Variants in NXPH1 observed in about 807,000 individuals in gnomAD.
NXPH1 encodes the protein neurexophilin-1.
Under a neutral mutation model 23.7 loss-of-function variants are expected in NXPH1, and 5 were observed. That is an observed-to-expected ratio of 0.21 (90% CI 0.11 to 0.44). The LOEUF (loss-of-function observed/expected upper bound fraction) is 0.44. Ranked by LOEUF, NXPH1 falls within the 20% of genes least tolerant of loss-of-function variation. The pLI is 0.99. For synonymous variants in NXPH1, 144 were observed against 122.2 expected (o/e 1.18, Z -1.18); for missense variants, 324 against 321.6 (o/e 1.01, Z -0.06).
intron 2 of NXPH1, among the ~76,000 whole-genome samples, chr7:8,592,694 A>G (rs563778244): frequency 1.3e-4 from 20 of 152,128 alleles, no homozygotes; most frequent in African/African-American, 9.6e-5. Context: ...CAACTATTTA[A>G]CTTTGCTGTT....
chr7:8,437,060 A>G (rs1196892033), intron 2 of NXPH1, among the ~76,000 whole-genome samples: 4 of 152,106 alleles, frequency 2.6e-5, no homozygotes, highest in Admixed American at 2.6e-4. Context: ...TTATCGCCTG[A>G]CCGTAGCAGC....
At chr7:8,690,167 C>T (rs1024137459) in intron 2 of NXPH1, 2 of 152,202 alleles carry the variant, frequency 1.3e-5, no homozygotes, top group African/African-American at 4.8e-5. Flanking sequence ...TACTGAGTCC[C>T]TTGCTAACAT....
At position 8,498,427 on chromosome 7, in the gene NXPH1, C is replaced by G. The variant is rs1334353281; in HGVS notation, c.54+62660C>G. On this transcript the variant is annotated intron_variant, in intron 2 of 2. Coordinates refer to ENST00000405863, the MANE Select transcript of NXPH1 (RefSeq NM_152745.3). ...AGTAACTTAATGACTACTGGTTTAT[C>G]AGTCCCTCTATTTTTTCCCCCTACT... Among the ~76,000 whole-genome samples, 6 of 152,044 alleles carry G rather than the reference C, an allele frequency of 3.9e-5. No individual in the cohort carries two copies. In the East Asian group the frequency reaches 1.2e-3, roughly 29 times the overall value.
At chr7:8,530,318 C>G (rs1817931693) in intron 2 of NXPH1, among the ~76,000 whole-genome samples, 1 of 152,074 alleles carries the variant, frequency 6.6e-6, no homozygotes, top group Non-Finnish European at 1.5e-5. Context: ...ATATTGAGAC[C>G]TAAAAAGCAA....
chr7:8,439,569 T>C (rs1183670500), intron 2 of NXPH1, among the ~76,000 whole-genome samples: 2 of 152,256 alleles, frequency 1.3e-5, no homozygotes, highest in Admixed American at 6.5e-5. Context: ...TGCTAGGAAT[T>C]AAATTGCTAA....
intron 2 of NXPH1, among the ~76,000 whole-genome samples, chr7:8,571,989 G>C (rs1382522843): frequency 6.6e-6 from 1 of 151,832 alleles, no homozygotes; most frequent in Non-Finnish European, 1.5e-5. Context: ...GGCTTGAAAG[G>C]TTATTTAGCC....
At chr7:8,706,750 T>G (rs968802227) in intron 2 of NXPH1, among the ~76,000 whole-genome samples, 3 of 152,240 alleles carry the variant, frequency 2.0e-5, no homozygotes, top group Non-Finnish European at 4.4e-5. Context: ...CTGCCAGTCC[T>G]GAGTGACTAA....
At chr7:8,601,509 A>C (rs1819359301) in intron 2 of NXPH1, among the ~76,000 whole-genome samples, 1 of 152,160 alleles carries the variant, frequency 6.6e-6, no homozygotes, top group Non-Finnish European at 1.5e-5. Context: ...CAGTCCCTTC[A>C]CCATTTTCCT....
intron 2 of NXPH1, among the ~76,000 whole-genome samples, chr7:8,460,271 TG>T (rs1462503081): frequency 1.3e-5 from 2 of 152,216 alleles, no homozygotes; most frequent in Non-Finnish European, 2.9e-5. Context: ...TTTGTACCTC[TG>T]ATCTTTTTTA....
intron 2 of NXPH1, among the ~76,000 whole-genome samples, chr7:8,457,936 C>T (rs954167167): frequency 1.3e-5 from 2 of 152,202 alleles, no homozygotes; most frequent in Admixed American, 6.5e-5. Flanking sequence ...GGTTCACTTT[C>T]TTCCTTCAAG....
Position 8,457,881 on chromosome 7 carries a change from A to G in NXPH1, c.54+22114A>G, listed in dbSNP as rs188589693. The stretch of plus-strand genomic sequence containing the variant: ...AAGTTAGAGCTATAAAAAATTAGCA[A>G]CAATTCAGCCCAATTTCTTCATTTC... On this transcript the variant is annotated intron_variant, in intron 2 of 2. Transcript: ENST00000405863. 4.6e-4 allele frequency among the ~76,000 whole-genome samples: 70 copies of G among 152,350 alleles called. 1 individual carries two copies. The highest frequency in any genetic ancestry group is 3.4e-3 in the Middle Eastern group (1 of 294).
chr7:8,473,829 T>C (rs978017825), intron 2 of NXPH1, among the ~76,000 whole-genome samples: 10 of 152,042 alleles, frequency 6.6e-5, no homozygotes, highest in Non-Finnish European at 1.3e-4. Context: ...CCAATTTGAC[T>C]AGTCTAGATG....
rs996253929 is a variant in NXPH1 at position 8,679,265 on chromosome 7, T to C, written c.55-71743T>C. Reference sequence around the variant, plus strand: ...CCCAGCCTGCTTTATCCAATTCTTATTGGCCCCTAACATTTTAAGAAATAG... The same window carrying C: ...CCCAGCCTGCTTTATCCAATTCTTACTGGCCCCTAACATTTTAAGAAATAG... On this transcript the variant is annotated intron_variant, in intron 2 of 2. Transcript: ENST00000405863. 9.2e-5 allele frequency among the ~76,000 whole-genome samples: 14 copies of C among 152,184 alleles called. 1 individual carries two copies. Among genetic ancestry groups the C allele is most frequent in the Admixed American group, 3.9e-4 (6 of 15,284 alleles).
rs76857950 is a variant in NXPH1, at chr7:8,477,731, T to C, written c.54+41964T>C. On this transcript the variant is annotated intron_variant, in intron 2 of 2. Transcript: ENST00000405863. ...GCTGCATCAGGATCACATAGATGAG[T>C]GTTTAATGTGCTGCCTTAAGGAAAC... Among the ~76,000 whole-genome samples the C allele has an allele frequency of 5.3e-5, 8 of 152,128 alleles. No individual in the cohort carries two copies. In the East Asian group the frequency reaches 1.4e-3, roughly 26 times the overall value.
At chr7:8,708,197 T>C (rs901686416) in intron 2 of NXPH1, among the ~76,000 whole-genome samples, 1 of 152,168 alleles carries the variant, frequency 6.6e-6, no homozygotes, top group South Asian at 2.1e-4. Flanking sequence ...TGATCAAACA[T>C]GAGGAACCTG....
chr7:8,639,006 T>C (rs10248325), intron 2 of NXPH1, among the ~76,000 whole-genome samples: 42,010 of 141,864 alleles, frequency 0.3, 6,281 homozygotes, highest in African/African-American at 0.38. Context: ...TAATGAAACA[T>C]ATATTGAAAC....
chr7:8,705,981 A>G (rs1360755327), intron 2 of NXPH1, among the ~76,000 whole-genome samples: 2 of 152,222 alleles, frequency 1.3e-5, no homozygotes, highest in Non-Finnish European at 2.9e-5. Context: ...AGCTAGTAAC[A>G]CTGCAGTGCA....
chr7:8,678,882 C>T (rs1368762762), intron 2 of NXPH1, among the ~76,000 whole-genome samples: 1 of 143,534 alleles, frequency 7.0e-6, no homozygotes, highest in Non-Finnish European at 1.5e-5. Context: ...GACCTCTCCT[C>T]TCTTAGTTTT....
At position 8,713,585 on chromosome 7, in the gene NXPH1, G is replaced by A. The variant is rs114416902; in HGVS notation, c.55-37423G>A. ...TTGCAACCTTGGCTTGTTTTTACCCGTCCTTCTTGGGAAGCCTTTCCAGGT... is the reference window on the plus strand; with the variant it reads ...TTGCAACCTTGGCTTGTTTTTACCCATCCTTCTTGGGAAGCCTTTCCAGGT... On this transcript the variant is annotated intron_variant, in intron 2 of 2. Transcript: ENST00000405863. Among the ~76,000 whole-genome samples the A allele has an allele frequency of 3.3e-3, 505 of 151,736 alleles. 3 individuals are homozygous for A. The highest frequency in any genetic ancestry group is 0.011 in the African/African-American group (446 of 41,310).
Sources: allele counts gnomAD v4.1 joint callset (sites outside exome capture counted in the v4.1 genomes callset), GRCh38; gene constraint gnomAD v4.1.1; transcripts MANE v1.5; gene names NCBI Gene and HGNC (gene_info 2026-07-23, HGNC 2026-07-21).